FKRP: variants seen among roughly 807,000 people sequenced by gnomAD.
FKRP encodes ribitol 5-phosphate transferase FKRP.
Under a neutral mutation model 30.6 loss-of-function variants are expected in FKRP, and 25 were observed. The observed-to-expected ratio is 0.82, with a 90% CI of 0.60 to 1.14. The LOEUF (loss-of-function observed/expected upper bound fraction) is 1.14. FKRP is among the 50% of genes most tolerant of loss of function. The pLI, the probability that FKRP is intolerant of heterozygous loss-of-function variation, is 0.00. For synonymous variants in FKRP, 358 were observed against 342.5 expected, an observed-to-expected ratio of 1.05 and a Z score of -0.50; for missense variants, 771 against 727.8, an observed-to-expected ratio of 1.06 and a Z score of -0.68.
intron 3 of FKRP, among the ~76,000 whole-genome samples, chr19:46,750,533 C>G (rs1768830024): frequency 6.6e-6 from 1 of 152,128 alleles, no homozygotes; most frequent in African/African-American, 2.4e-5. Flanking sequence ...AGGTTCCTAT[C>G]TTTCGTTTTT....
rs1179519325 is a variant in FKRP, at chr19:46,746,405, G to T, written c.-253+315G>T. 4.1e-5 allele frequency: 43 copies of T among 1,052,072 alleles called. No individual in the cohort carries two copies. The highest frequency in any genetic ancestry group is 4.5e-5 in the Non-Finnish European group (39 of 876,216). 65.2% of individuals were successfully genotyped at this position (1,052,072 alleles called of 1,614,324 possible). On this transcript the variant is annotated intron_variant, in intron 1 of 3. Transcript: ENST00000318584. ...GCAGGAGGAGGCGGCGGCGGCGACC[G>T]CGGCGGCCGCTCGCTCCTCCATCAT... is the stretch of plus-strand genomic sequence containing the variant.
chr19:46,750,614 C>T (rs1018706120), intron 3 of FKRP, among the ~76,000 whole-genome samples: 1 of 151,936 alleles, frequency 6.6e-6, no homozygotes, highest in Non-Finnish European at 1.5e-5. Flanking sequence ...CAGCCTCCAC[C>T]TCCTGGGCTC....
rs1425141573 is a variant in FKRP at position 46,748,573 on chromosome 19, A to C, written c.-132A>C. The C allele has an allele frequency of 2.6e-5, 4 of 152,180 alleles. No individual in the cohort carries two copies. Among genetic ancestry groups the C allele is most frequent in the African/African-American group, 7.2e-5 (3 of 41,434 alleles). The allele number at this position is 152,180 out of a possible 1,614,324, so 9.4% of individuals were successfully genotyped here. A position where few individuals can be genotyped will look rare whatever the true frequency, so the allele number is the denominator to read the frequency against. The stretch of plus-strand genomic sequence containing the variant: ...TCAGACCCAGTGAACCCAAGGCCTG[A>C]AGAGAATTTGGATTCATTTACCTTG... On this transcript the variant is annotated 5_prime_UTR_variant, in exon 3 of 4. Coordinates refer to ENST00000318584, the MANE Select transcript of FKRP (RefSeq NM_024301.5).
intron 3 of FKRP, among the ~76,000 whole-genome samples, chr19:46,754,840 A>G (rs1373633931): frequency 6.6e-6 from 1 of 152,084 alleles, no homozygotes; most frequent in East Asian, 1.9e-4. Flanking sequence ...TCCTGACCTC[A>G]GGTAATCCAC....
intron 3 of FKRP, among the ~76,000 whole-genome samples, chr19:46,753,201 C>CA (rs2054827893): frequency 6.7e-6 from 1 of 149,988 alleles, no homozygotes; most frequent in African/African-American, 2.5e-5. Context: ...CGCGGTGGCT[C>CA]ACGCCTGTAA....
chr19:46,752,658 C>T (rs942923745), intron 3 of FKRP, among the ~76,000 whole-genome samples: 5 of 151,932 alleles, frequency 3.3e-5, no homozygotes, highest in African/African-American at 4.8e-5. Context: ...GTCAGGAGTT[C>T]GAGACCAGCC....
chr19:46,756,235 G>A lies in FKRP; in HGVS notation c.785G>A (p.Arg262His). 1 of 1,452,942 alleles carries A rather than the reference G, an allele frequency of 6.9e-7. No homozygotes were observed. Among genetic ancestry groups the A allele is most frequent in the East Asian group, 2.8e-5 (1 of 36,250 alleles). 90.0% of individuals were successfully genotyped at this position (1,452,942 alleles called of 1,614,324 possible). Residue 262 changes from arginine (R) to histidine (H), a missense_variant, in exon 4 of 4, where the codon CGC becomes CAC. Transcript: ENST00000318584. This position sits in a 1 kb window ranked among gnomAD's most constrained non-coding sequence, Gnocchi z 6.6. ...HARWKAEREG[R>H]ARRAALLRAL... ...CGCTGGAAGGCTGAGCGCGAGGGAC[G>A]CGCTCGGCGGGCGGCGCTGCTCCGC...
chr19:46,756,958 T>A lies in FKRP; in HGVS notation c.*20T>A. On this transcript the variant is annotated 3_prime_UTR_variant, in exon 4 of 4. Transcript: ENST00000318584. The surrounding 1 kb of genome is among the most constrained non-coding windows in gnomAD (Gnocchi z 6.6). ...GGCTGAAGCCCTGATAACCTCGCCT[T>A]TGTTTTTCGGGGGTCTGTCTGGATG... 6.2e-7 allele frequency: 1 copy of A among 1,612,022 alleles called. No homozygotes were observed. The highest frequency in any genetic ancestry group is 1.3e-5 in the African/African-American group (1 of 75,002).
At position 46,758,479 on chromosome 19, in the gene FKRP, A is replaced by T. The variant is rs2054968775; in HGVS notation, c.*1541A>T. 6.0e-6 allele frequency: 1 copy of T among 167,020 alleles called. No homozygotes were observed. The highest frequency in any genetic ancestry group is 6.5e-5 in the Admixed American group (1 of 15,274). The allele number at this position is 167,020 out of a possible 1,614,324, so 10.3% of individuals were successfully genotyped here. A position where few individuals can be genotyped will look rare whatever the true frequency, so the allele number is the denominator to read the frequency against. On this transcript the variant is annotated 3_prime_UTR_variant, in exon 4 of 4. Coordinates refer to ENST00000318584, the MANE Select transcript of FKRP (RefSeq NM_024301.5). ...AATAAAGCTTAAATTATTCCATTTTAAAATTATGAATATGAATAGGGTTTT... is the reference window on the plus strand; with the variant it reads ...AATAAAGCTTAAATTATTCCATTTTTAAATTATGAATATGAATAGGGTTTT...
At chr19:46,751,535 T>C (rs1031878271) in intron 3 of FKRP, among the ~76,000 whole-genome samples, 9 of 149,542 alleles carry the variant, frequency 6.0e-5, no homozygotes, top group Admixed American at 2.7e-4. Context: ...CCTGTCACCA[T>C]GCCCAGCTAA....
At position 46,746,274 on chromosome 19, in the gene FKRP, T is replaced by G; in HGVS notation, c.-253+184T>G. ...TCCGGGCCCGCCGTGGGCCCGGGGC[T>G]GCCTCCGCCGCCGCCTCCCTTACCT... On this transcript the variant is annotated intron_variant, in intron 1 of 3. Coordinates refer to ENST00000318584, the MANE Select transcript of FKRP (RefSeq NM_024301.5). The G allele has an allele frequency of 1.4e-6, 2 of 1,453,310 alleles. No individual in the cohort carries two copies. Among genetic ancestry groups the G allele is most frequent in the Non-Finnish European group, 9.0e-7 (1 of 1,106,174 alleles). 90.0% of individuals were successfully genotyped at this position (1,453,310 alleles called of 1,614,324 possible).
In FKRP at chr19:46,757,126, A is replaced by G; in HGVS notation, c.*188A>G. ...GGAGAGCACCAGGACGAGGATGGGA[A>G]GCGACCTCCAGATTTATCAAATGGT... On this transcript the variant is annotated 3_prime_UTR_variant, in exon 4 of 4. Coordinates refer to ENST00000318584, the MANE Select transcript of FKRP (RefSeq NM_024301.5). 1 of 754,314 alleles carries G rather than the reference A, an allele frequency of 1.3e-6. No homozygotes were observed. The highest frequency in any genetic ancestry group is 2.2e-6 in the Non-Finnish European group (1 of 448,530). 46.7% of individuals were successfully genotyped at this position (754,314 alleles called of 1,614,324 possible). A position where few individuals can be genotyped will look rare whatever the true frequency, so the allele number is the denominator to read the frequency against.
chr19:46,746,202 C>T (rs1189366422), intron 1 of FKRP, 112 bp downstream of exon 1: 6 of 1,539,498 alleles, frequency 3.9e-6, no homozygotes, highest in Non-Finnish European at 3.5e-6. Flanking sequence ...TCGAAGCGCG[C>T]CCACTCGTGC....
At position 46,755,482 on chromosome 19, in the gene FKRP, C is replaced by G; in HGVS notation, c.32C>G (p.Ala11Gly). The G allele has an allele frequency of 6.2e-7, 1 of 1,609,096 alleles. No individual in the cohort carries two copies. The highest frequency in any genetic ancestry group is 8.5e-7 in the Non-Finnish European group (1 of 1,179,254). MRLTRCQAALAAAITLNLLVL... is the reference protein window; with the variant it reads MRLTRCQAALGAAITLNLLVL... ...CTCACCCGCTGCCAGGCTGCCCTGGCGGCCGCCATCACCCTCAACCTTCTG... is the reference window on the plus strand; with the variant it reads ...CTCACCCGCTGCCAGGCTGCCCTGGGGGCCGCCATCACCCTCAACCTTCTG... Residue 11 changes from alanine (A) to glycine (G), a missense_variant, in exon 4 of 4, where the codon GCG becomes GGG. Coordinates refer to ENST00000318584, the MANE Select transcript of FKRP (RefSeq NM_024301.5).
Position 46,756,389 on chromosome 19 carries a change from G to C in FKRP, c.939G>C (p.Trp313Cys). Reference sequence around the variant, plus strand: ...CCGCCTACCTCTACGAGGAGCGCTGGACGCCCCCCTGCTGCCTGCGCGCGC... The same window carrying C: ...CCGCCTACCTCTACGAGGAGCGCTGCACGCCCCCCTGCTGCCTGCGCGCGC... ...DTPAYLYEER[W>C]TPPCCLRALR... Residue 313 changes from tryptophan (W) to cysteine (C), a missense_variant, in exon 4 of 4, where the codon TGG becomes TGC. Transcript: ENST00000318584. This position sits in a 1 kb window ranked among gnomAD's most constrained non-coding sequence, Gnocchi z 6.6. 1 of 1,566,740 alleles carries C rather than the reference G, an allele frequency of 6.4e-7. No individual in the cohort carries two copies.
chr19:46,754,091 C>G (rs1000326387), intron 3 of FKRP: 1 of 152,298 alleles, frequency 6.6e-6, no homozygotes, highest in Non-Finnish European at 1.5e-5. Flanking sequence ...CAGGGTCTCA[C>G]TCTTGTCCAG....
intron 1 of FKRP, chr19:46,746,332 C>A: frequency 7.8e-7 from 1 of 1,287,964 alleles, no homozygotes; most frequent in Non-Finnish European, 9.8e-7. Context: ...GGGCGGAGAC[C>A]GGGGCCGCCC....
chr19:46,755,766 C>A lies in FKRP; in HGVS notation c.316C>A (p.Pro106Thr). Residue 106 changes from proline to threonine, a missense_variant, in exon 4 of 4, where the codon CCC becomes ACC. Pro to Thr is a conservative substitution (Grantham distance 38). Transcript: ENST00000318584. ...IPNVRLALLQ[P>T]ALDRPAAASR... ...CAACGTGCGTCTGGCGCTGCTCCAG[C>A]CCGCCCTGGACCGGCCAGCCGCAGC... The A allele has an allele frequency of 1.3e-6, 2 of 1,539,546 alleles. No individual in the cohort carries two copies. The highest frequency in any genetic ancestry group is 1.2e-5 in the South Asian group (1 of 84,190).
chr19:46,745,851 C>A, upstream of FKRP: 1 of 293,610 alleles, frequency 3.4e-6, no homozygotes, highest in South Asian at 7.1e-5. Context: ...CCCAGTCCCA[C>A]TCCCAGCTGG....
Sources: allele counts gnomAD v4.1 joint callset (sites outside exome capture counted in the v4.1 genomes callset), GRCh38; gene constraint gnomAD v4.1.1; non-coding constraint Gnocchi (gnomAD v3.1); transcripts MANE v1.5; gene names NCBI Gene and HGNC (gene_info 2026-07-23, HGNC 2026-07-21).